The following SMYD2 variants were observed in gnomAD, a reference collection of about 807,000 sequenced individuals.
SMYD2 encodes the protein SET and MYND domain containing 2.
In SMYD2, 53 loss-of-function variants were observed where a neutral mutation model predicts 59.1. The ratio of observed to expected loss-of-function variants is 0.90; its 90% CI spans 0.72 to 1.13. The LOEUF (loss-of-function observed/expected upper bound fraction) is 1.13, where lower values mean the gene tolerates loss of function less well. Among genes scored for constraint, SMYD2 ranks in the 50% most tolerant of loss-of-function variants. SMYD2 has a pLI of 0.00. For synonymous variants in SMYD2, 208 were observed against 198.8 expected (o/e 1.05, Z -0.39); for missense variants, 494 against 544.7 (o/e 0.91, Z 0.93).
chr1:214,318,968 A>G lies in SMYD2; in HGVS notation c.519A>G (p.Val173=), dbSNP rs1657128762. The G allele has an allele frequency of 3.1e-6, 5 of 1,614,114 alleles. No homozygotes were observed. The highest frequency in any genetic ancestry group is 3.4e-6 in the Non-Finnish European group (4 of 1,180,024). The change falls in exon 5 of 12, where the codon GTA becomes GTG. Residue 173 remains valine (V), a synonymous_variant. Transcript: ENST00000366957. The surrounding 1 kb of genome is among the most constrained non-coding windows in gnomAD (Gnocchi z 5.4). The part of the protein sequence containing the change: ...HLGFPDNDSL[V]VLFAQVNCNG... The stretch of plus-strand genomic sequence containing the variant: ...GATTCCCTGACAATGATAGCCTCGT[A>G]GTACTCTTTGCACAGGTAAGGACGC...
At chr1:214,307,589 A>G (rs932403216) in intron 2 of SMYD2, among the ~76,000 whole-genome samples, 2 of 152,208 alleles carry the variant, frequency 1.3e-5, no homozygotes, top group African/African-American at 2.4e-5. Flanking sequence ...GAGTACCATC[A>G]GAGTGTGTGG....
Position 214,295,888 on chromosome 1 carries a change from G to T in SMYD2, c.174-9299G>T, listed in dbSNP as rs543587027. Among the ~76,000 whole-genome samples the T allele has an allele frequency of 4.6e-5, 7 of 152,228 alleles. No homozygotes were observed. The East Asian group carries it at 1.2e-3, about 25-fold the overall frequency. Reference sequence around the variant, plus strand: ...AGGCCTTGCTAGTATAACCACCCTCGCTGGGTGGGAGGCTAACTTTGTTTC... The same window carrying T: ...AGGCCTTGCTAGTATAACCACCCTCTCTGGGTGGGAGGCTAACTTTGTTTC... On this transcript the variant is annotated intron_variant, in intron 1 of 11. Coordinates refer to ENST00000366957, the MANE Select transcript of SMYD2 (RefSeq NM_020197.3).
chr1:214,318,273 T>C lies in SMYD2; in HGVS notation c.409+134T>C. 1.3e-6 allele frequency: 1 copy of C among 793,492 alleles called. No individual in the cohort carries two copies. Among genetic ancestry groups the C allele is most frequent in the African/African-American group, 1.8e-5 (1 of 56,742 alleles). 49.2% of individuals were successfully genotyped at this position (793,492 alleles called of 1,614,324 possible). A position where few individuals can be genotyped will look rare whatever the true frequency, so the allele number is the denominator to read the frequency against. ...TTCTTTGATTACTAGTTTTTATTTT[T>C]ACTCTTGTGCTGTTTCGAAAAGCAC... On this transcript the variant is annotated intron_variant, in intron 4 of 11. Coordinates refer to ENST00000366957, the MANE Select transcript of SMYD2 (RefSeq NM_020197.3). The surrounding 1 kb of genome is among the most constrained non-coding windows in gnomAD (Gnocchi z 5.4).
In SMYD2 at chr1:214,282,636, A is replaced by G. The variant is rs182676883; in HGVS notation, c.173+1209A>G. Among the ~76,000 whole-genome samples the G allele has an allele frequency of 2.2e-3, 334 of 152,304 alleles. 1 individual carries two copies. Among genetic ancestry groups the G allele is most frequent in the Non-Finnish European group, 3.6e-3 (245 of 68,038 alleles). On this transcript the variant is annotated intron_variant, in intron 1 of 11. Transcript: ENST00000366957. ...GCCTCATTCTACAATAAGACGTAGCAAAAGAAGGGACAAAGGCTAAATATT... is the reference window on the plus strand; with the variant it reads ...GCCTCATTCTACAATAAGACGTAGCGAAAGAAGGGACAAAGGCTAAATATT...
rs184325132 is a variant in SMYD2, at chr1:214,291,211, T to C, written c.173+9784T>C. Among the ~76,000 whole-genome samples, 3 of 152,366 alleles carry C rather than the reference T, an allele frequency of 2.0e-5. No homozygotes were observed. The East Asian group carries it at 5.8e-4, about 29-fold the overall frequency. On this transcript the variant is annotated intron_variant, in intron 1 of 11. Coordinates refer to ENST00000366957, the MANE Select transcript of SMYD2 (RefSeq NM_020197.3). ...CACCACGGAGCTTATTTTCCAGCTT[T>C]TATTCATCTTTATTTTACCTCCAGT... is the stretch of plus-strand genomic sequence containing the variant.
chr1:214,321,096 T>C (rs1186621111), intron 5 of SMYD2, among the ~76,000 whole-genome samples: 2 of 152,200 alleles, frequency 1.3e-5, no homozygotes, highest in Non-Finnish European at 2.9e-5. Flanking sequence ...CTTCTCAATG[T>C]TGATGCCGTA....
chr1:214,286,927 C>G (rs1656558014), intron 1 of SMYD2, among the ~76,000 whole-genome samples: 1 of 150,320 alleles, frequency 6.7e-6, no homozygotes, highest in Non-Finnish European at 1.5e-5. Context: ...CTCCGCTGTT[C>G]AAGTGATTCT....
Position 214,332,040 on chromosome 1 carries a change from C to G in SMYD2, c.960C>G (p.Ile320Met). Residue 320 changes from isoleucine to methionine, a missense_variant, in exon 10 of 12, where the codon ATC becomes ATG. Transcript: ENST00000366957. ...HYKSPSELLE[I>M]CELSQEKMSS... is the part of the protein sequence containing the mutation. ...CACCCCCTAGTGAGCTGCTGGAGAT[C>G]TGCGAGCTCAGCCAGGAGAAGATGA... is the stretch of plus-strand genomic sequence containing the variant. 1 of 1,613,510 alleles carries G rather than the reference C, an allele frequency of 6.2e-7. No individual in the cohort carries two copies. The highest frequency in any genetic ancestry group is 8.5e-7 in the Non-Finnish European group (1 of 1,179,946).
At chr1:214,289,543 T>G (rs115997465) in intron 1 of SMYD2, among the ~76,000 whole-genome samples, 333 of 152,328 alleles carry the variant, frequency 2.2e-3, no homozygotes, top group African/African-American at 7.4e-3. Context: ...ATCTGGTATA[T>G]GCAAGGCAAA....
At chr1:214,296,118 T>C (rs565511340) in intron 1 of SMYD2, among the ~76,000 whole-genome samples, 2 of 152,370 alleles carry the variant, frequency 1.3e-5, no homozygotes, top group East Asian at 3.9e-4. Flanking sequence ...CACTAAGCAT[T>C]CATTTCAGTA....
intron 9 of SMYD2, 95 bp from the exon 10 acceptor site, chr1:214,331,923 T>C (rs1657361157): frequency 9.0e-7 from 1 of 1,109,910 alleles, no homozygotes; most frequent in Non-Finnish European, 1.3e-6. Flanking sequence ...GGGGTAAGGG[T>C]GAGAGTGGAG....
At chr1:214,308,561 CAA>C (rs1300988585) in intron 2 of SMYD2, among the ~76,000 whole-genome samples, 2 of 152,192 alleles carry the variant, frequency 1.3e-5, no homozygotes, top group Admixed American at 6.5e-5. Context: ...TGGCACAAAA[CAA>C]GAGCAGCGAT....
At chr1:214,281,477 G>C (rs773815337) in intron 1 of SMYD2, 50 bp downstream of exon 1, 2 of 1,302,712 alleles carry the variant, frequency 1.5e-6, no homozygotes, top group African/African-American at 1.6e-5. Context: ...GGCGCCGAGC[G>C]GGAGGCTTGG....
rs374401037 is a variant in SMYD2, at chr1:214,281,395, G to T, written c.141G>T (p.Glu47Asp). 2.0e-6 allele frequency: 3 copies of T among 1,465,204 alleles called. No individual in the cohort carries two copies. The highest frequency in any genetic ancestry group is 2.7e-6 in the Non-Finnish European group (3 of 1,103,416). 90.8% of individuals were successfully genotyped at this position (1,465,204 alleles called of 1,614,324 possible). A position where few individuals can be genotyped will look rare whatever the true frequency, so the allele number is the denominator to read the frequency against. ...PAYAYVLTVNERGNHCEYCFT... is the reference protein window; with the variant it reads ...PAYAYVLTVNDRGNHCEYCFT... ...ATGCCTACGTGCTCACGGTCAACGA[G>T]CGGGGCAACCACTGCGAGTACTGCT... The change falls in exon 1 of 12, where the codon GAG (glutamate) becomes GAT (aspartate). Residue 47 changes from glutamate (E) to aspartate (D), a missense_variant. Coordinates refer to ENST00000366957, the MANE Select transcript of SMYD2 (RefSeq NM_020197.3).
In SMYD2 at chr1:214,330,194, G is replaced by A. The variant is rs1168000766; in HGVS notation, c.732G>A (p.Leu244=). The A allele has an allele frequency of 7.4e-6, 12 of 1,613,256 alleles. No individual in the cohort carries two copies. The highest frequency in any genetic ancestry group is 2.2e-5 in the South Asian group (2 of 90,940). Residue 244 remains leucine (L), a synonymous_variant, in exon 8 of 12, where the codon CTG becomes CTA. Transcript: ENST00000366957. ...TTTTTACCAGCTATATTGATCTCCT[G>A]TACCCAACGGAAGATAGAAATGACC... ...EEVFTSYIDL[L]YPTEDRNDRL...
At chr1:214,311,980 C>T (rs556008451) in intron 2 of SMYD2, among the ~76,000 whole-genome samples, 3 of 152,248 alleles carry the variant, frequency 2.0e-5, no homozygotes, top group Non-Finnish European at 2.9e-5. Flanking sequence ...TCTGTCTTTT[C>T]CTCTTTGCTC....
At chr1:214,320,607 C>T (rs1657157735) in intron 5 of SMYD2, among the ~76,000 whole-genome samples, 3 of 152,154 alleles carry the variant, frequency 2.0e-5, no homozygotes, top group South Asian at 4.1e-4. Context: ...GCCTAGGCAA[C>T]AGAGAGAGAC....
chr1:214,287,401 A>G (rs1221742414), intron 1 of SMYD2, among the ~76,000 whole-genome samples: 1 of 151,718 alleles, frequency 6.6e-6, no homozygotes, highest in Admixed American at 6.6e-5. Context: ...AGCCTGACCA[A>G]CATGGTGAAA....
At chr1:214,330,819 T>C in intron 8 of SMYD2, 131 bp from the exon 9 acceptor site, 2 of 1,387,846 alleles carry the variant, frequency 1.4e-6, no homozygotes, top group South Asian at 1.4e-5. Context: ...CTGATTTCCT[T>C]TCATTCTTTT....
Sources: gnomAD v4.1 joint callset for allele counts (sites outside exome capture counted in the v4.1 genomes callset) on GRCh38, gnomAD v4.1.1 for gene constraint, Gnocchi (gnomAD v3.1) non-coding constraint, MANE v1.5 for transcripts, NCBI Gene and HGNC (gene_info 2026-07-23, HGNC 2026-07-21) for gene names.